The following AGPAT3 variants were observed in gnomAD, a reference collection of about 807,000 sequenced individuals.
The protein encoded by AGPAT3 is 1-acyl-sn-glycerol-3-phosphate acyltransferase gamma.
A neutral mutation model predicts 47.3 loss-of-function variants in AGPAT3; 5 were observed. That is an observed-to-expected ratio of 0.11 (90% CI 0.06 to 0.22). The LOEUF (loss-of-function observed/expected upper bound fraction) is 0.22, where lower values mean the gene tolerates loss of function less well. AGPAT3 is among the 10% of genes least tolerant of loss of function. AGPAT3 has a pLI of 1.00. For synonymous variants in AGPAT3, 212 were observed against 208.3 expected, an observed-to-expected ratio of 1.02 and a Z score of -0.15; for missense variants, 315 against 493.0, an observed-to-expected ratio of 0.64 and a Z score of 3.42.
intron 8 of AGPAT3, among the ~76,000 whole-genome samples, chr21:43,979,314 AAAG>A (rs2089751722): frequency 1.4e-5 from 2 of 145,420 alleles, no homozygotes; most frequent in African/African-American, 2.5e-5. Context: ...AAAAAAAAAA[AAAG>A]AAAGAAAAAA....
At chr21:43,978,285 T>C (rs1205683256) in intron 8 of AGPAT3, among the ~76,000 whole-genome samples, 164 bp downstream of exon 8, 2 of 152,076 alleles carry the variant, frequency 1.3e-5, no homozygotes, top group Admixed American at 6.6e-5. Flanking sequence ...TTCTGTTGTT[T>C]TGTTTTGTTT....
At position 43,984,005 on chromosome 21, in the gene AGPAT3, G is replaced by C. The variant is rs562163188; in HGVS notation, c.*1613G>C. 1.9e-3 allele frequency: 289 copies of C among 152,394 alleles called. 1 individual carries two copies. The highest frequency in any genetic ancestry group is 3.3e-3 in the Non-Finnish European group (227 of 68,066). 9.4% of individuals were successfully genotyped at this position (152,394 alleles called of 1,614,324 possible). On this transcript the variant is annotated 3_prime_UTR_variant, in exon 10 of 10. Coordinates refer to ENST00000291572, the MANE Select transcript of AGPAT3 (RefSeq NM_020132.5). ...GGACGGCAGCGTTCTGCATGATGGA[G>C]GCGCTGCCGGGCCCCGGGTCTGTGG...
chr21:43,959,873 G>A lies in AGPAT3; in HGVS notation c.178+14G>A. The A allele has an allele frequency of 6.3e-7, 1 of 1,596,746 alleles. No homozygotes were observed. Among genetic ancestry groups the A allele is most frequent in the African/African-American group, 1.3e-5 (1 of 74,912 alleles). On this transcript the variant is annotated intron_variant, in intron 3 of 9. Transcript: ENST00000291572. Reference sequence around the variant, plus strand: ...CACTCTGGAGCCGTGAGTGTCTGCTGGGCCAGTCCCTGCCGCCTGGGGCTC... The same window carrying A: ...CACTCTGGAGCCGTGAGTGTCTGCTAGGCCAGTCCCTGCCGCCTGGGGCTC...
chr21:43,925,269 T>C (rs1175138676), intron 2 of AGPAT3: 2 of 152,582 alleles, frequency 1.3e-5, no homozygotes, highest in African/African-American at 2.4e-5. Context: ...CTCTGGGTCA[T>C]GCGGGGAAGA....
rs151271952 is a variant in AGPAT3 at position 43,987,497 on chromosome 21, C to CT, written c.*5112dup. On this transcript the variant is annotated 3_prime_UTR_variant, in exon 10 of 10. Coordinates refer to ENST00000291572, the MANE Select transcript of AGPAT3 (RefSeq NM_020132.5). ...TGGCATGTATACATCCAAAACTACTCTTTTTTTGTAAAAACATTCATCTGT... is the reference window on the plus strand; with the variant it reads ...TGGCATGTATACATCCAAAACTACTCTTTTTTTTGTAAAAACATTCATCTGT... 9.1e-3 allele frequency among the ~76,000 whole-genome samples: 1,390 copies of CT among 152,318 alleles called. 26 individuals carry two copies. Among genetic ancestry groups the CT allele is most frequent in the African/African-American group, 0.031 (1,284 of 41,562 alleles).
In AGPAT3 at chr21:43,959,314, CGTGT is replaced by C. The variant is rs756132297; in HGVS notation, c.-48-314_-48-311del. Among the ~76,000 whole-genome samples, 69 of 79,636 alleles carry C rather than the reference CGTGT, an allele frequency of 8.7e-4. 1 individual carries two copies. Among genetic ancestry groups the C allele is most frequent in the Non-Finnish European group, 1.3e-3 (52 of 39,792 alleles). The allele number at this position is 79,636 out of a possible 152,430, so 52.2% of individuals were successfully genotyped here. A position where few individuals can be genotyped will look rare whatever the true frequency, so the allele number is the denominator to read the frequency against. On this transcript the variant is annotated intron_variant, in intron 2 of 9. Transcript: ENST00000291572. ...GTTTGTGATGAGCTGTGGTGTGTGG[CGTGT>C]GTGTGGTTGTGTGTGTGTGGCGTGT...
In AGPAT3 at chr21:43,931,291, G is replaced by A. The variant is rs201864396; in HGVS notation, c.-49+27272G>A. Among the ~76,000 whole-genome samples, 11 of 152,254 alleles carry A rather than the reference G, an allele frequency of 7.2e-5. No individual in the cohort carries two copies. In the East Asian group the frequency reaches 1.4e-3, roughly 19 times the overall value. On this transcript the variant is annotated intron_variant, in intron 2 of 9. Transcript: ENST00000291572. ...GTTAATCACACCTGGAGTTTCGCTC[G>A]GTCACTGGCATGAGAAAGGAAATGT...
Position 43,959,680 on chromosome 21 carries a change from C to T in AGPAT3, c.-2C>T, listed in dbSNP as rs770567462. 1.9e-6 allele frequency: 3 copies of T among 1,612,780 alleles called. No individual in the cohort carries two copies. The highest frequency in any genetic ancestry group is 2.5e-6 in the Non-Finnish European group (3 of 1,179,906). The stretch of plus-strand genomic sequence containing the variant: ...GCCGTGCACCCGCTCCTGAGCAGCG[C>T]CATGGGCCTGCTGGCCTTCCTGAAG... On this transcript the variant is annotated 5_prime_UTR_variant, in exon 3 of 10. Transcript: ENST00000291572.
intron 8 of AGPAT3, 120 bp from the exon 9 acceptor site, chr21:43,980,869 A>T: frequency 2.1e-6 from 2 of 953,420 alleles, no homozygotes; most frequent in Non-Finnish European, 3.2e-6. Flanking sequence ...TTGTGCTCTT[A>T]ATTGACGTGG....
chr21:43,963,657 G>A (rs766950705), intron 3 of AGPAT3, among the ~76,000 whole-genome samples: 2 of 146,238 alleles, frequency 1.4e-5, no homozygotes, highest in Non-Finnish European at 1.5e-5. Flanking sequence ...GCAGTGAGCC[G>A]AGACTGCATC....
intron 1 of AGPAT3, among the ~76,000 whole-genome samples, chr21:43,873,403 T>C (rs1411648642): frequency 6.6e-6 from 1 of 152,134 alleles, no homozygotes; most frequent in African/African-American, 2.4e-5. Flanking sequence ...GCAAAACCCA[T>C]GTGCCCTGAG....
At chr21:43,961,169 C>G (rs955000890) in intron 3 of AGPAT3, among the ~76,000 whole-genome samples, 1 of 151,610 alleles carries the variant, frequency 6.6e-6, no homozygotes, top group African/African-American at 2.4e-5. Flanking sequence ...AAACAAAAAT[C>G]TCAGAAGGAT....
chr21:43,969,079 C>T (rs368001210), intron 4 of AGPAT3, 39 bp from the exon 5 acceptor site: 24 of 1,608,894 alleles, frequency 1.5e-5, no homozygotes, highest in South Asian at 3.3e-5. Flanking sequence ...CTCTGTCCGA[C>T]GCTGAAGTGC....
intron 2 of AGPAT3, among the ~76,000 whole-genome samples, chr21:43,926,110 C>T (rs187599718): frequency 6.6e-6 from 1 of 152,342 alleles, no homozygotes; most frequent in Non-Finnish European, 1.5e-5. Context: ...TTTACTGTGG[C>T]CACTGGAGCA....
At position 43,955,159 on chromosome 21, in the gene AGPAT3, G is replaced by T; in HGVS notation, c.-48-4475G>T. The T allele has an allele frequency of 7.8e-7, 1 of 1,276,596 alleles. No individual in the cohort carries two copies. The highest frequency in any genetic ancestry group is 1.0e-6 in the Non-Finnish European group (1 of 980,844). The allele number at this position is 1,276,596 out of a possible 1,614,324, so 79.1% of individuals were successfully genotyped here. On this transcript the variant is annotated intron_variant, in intron 2 of 9. Coordinates refer to ENST00000291572, the MANE Select transcript of AGPAT3 (RefSeq NM_020132.5). This position sits in a 1 kb window ranked among gnomAD's most constrained non-coding sequence, Gnocchi z 4.1. Reference sequence around the variant, plus strand: ...CAGCCACGGATGCGCCCTGGGTGCTGTCCCGGGGCCGTCTCAGAAGCACCG... The same window carrying T: ...CAGCCACGGATGCGCCCTGGGTGCTTTCCCGGGGCCGTCTCAGAAGCACCG...
At chr21:43,951,452 G>C (rs2088188321) in intron 2 of AGPAT3, among the ~76,000 whole-genome samples, 1 of 152,192 alleles carries the variant, frequency 6.6e-6, no homozygotes, top group Non-Finnish European at 1.5e-5. Context: ...AGGGCGGCTT[G>C]GGCAGGGCAA....
intron 2 of AGPAT3, among the ~76,000 whole-genome samples, chr21:43,917,797 TTGTGGGGGTTGTGTTGTGG>T (rs1180550089): frequency 2.6e-5 from 3 of 114,274 alleles, no homozygotes; most frequent in African/African-American, 1.3e-4. Context: ...ATTGTGGGTA[TTGTGGGGGTTGTGTTGTGG>T]GTGTTGTGGG....
Position 43,984,995 on chromosome 21 carries a change from G to A in AGPAT3, c.*2603G>A, listed in dbSNP as rs2147000162. 2.4e-6 allele frequency: 1 copy of A among 409,588 alleles called. No individual in the cohort carries two copies. Among genetic ancestry groups the A allele is most frequent in the South Asian group, 1.7e-5 (1 of 57,788 alleles). 25.4% of individuals were successfully genotyped at this position (409,588 alleles called of 1,614,324 possible). On this transcript the variant is annotated 3_prime_UTR_variant, in exon 10 of 10. Transcript: ENST00000291572. ...TTGAGCCAGGCCGAGGACAGGAAGG[G>A]CATTGCTGGCCTGTAGCTCCTGTTA...
intron 2 of AGPAT3, among the ~76,000 whole-genome samples, chr21:43,919,337 T>C (rs1024676694): frequency 6.6e-5 from 10 of 152,194 alleles, no homozygotes; most frequent in African/African-American, 2.2e-4. Flanking sequence ...CTGTCCATTA[T>C]ATCACTCTAT....
Sources: gnomAD v4.1 joint callset for allele counts (sites outside exome capture counted in the v4.1 genomes callset) on GRCh38, gnomAD v4.1.1 for gene constraint, Gnocchi (gnomAD v3.1) non-coding constraint, MANE v1.5 for transcripts, NCBI Gene and HGNC (gene_info 2026-07-23, HGNC 2026-07-21) for gene names.